The following NTM variants were observed in gnomAD, a reference collection of about 807,000 sequenced individuals.
NTM encodes IgLON family member 2.
A neutral mutation model predicts 42.1 loss-of-function variants in NTM; 13 were observed. The ratio of observed to expected loss-of-function variants is 0.31; its 90% CI spans 0.20 to 0.49. NTM has a LOEUF of 0.49. Ranked by LOEUF, NTM falls within the 20% of genes least tolerant of loss-of-function variation. NTM has a pLI of 0.99. For synonymous variants in NTM, 187 were observed against 179.2 expected (o/e 1.04, Z -0.35); for missense variants, 373 against 452.8 (o/e 0.82, Z 1.60).
chr11:131,802,579 G>C (rs2092212213), intron 1 of NTM, among the ~76,000 whole-genome samples: 1 of 152,174 alleles, frequency 6.6e-6, no homozygotes, highest in African/African-American at 2.4e-5. Flanking sequence ...AGTGATGCGT[G>C]GGGGTTAGGG....
chr11:131,879,688 C>T (rs1484179337), intron 1 of NTM, among the ~76,000 whole-genome samples: 1 of 151,890 alleles, frequency 6.6e-6, no homozygotes, highest in Non-Finnish European at 1.5e-5. Flanking sequence ...ATTTTTTTGT[C>T]ACCTTTGAAT....
chr11:131,629,678 G>C (rs1233878276), intron 1 of NTM, among the ~76,000 whole-genome samples: 1 of 152,154 alleles, frequency 6.6e-6, no homozygotes, highest in Non-Finnish European at 1.5e-5. Flanking sequence ...ATTTCGAAAC[G>C]AGAGTATTTA....
At chr11:131,549,870 C>G (rs2054426708) in intron 1 of NTM, among the ~76,000 whole-genome samples, 1 of 152,228 alleles carries the variant, frequency 6.6e-6, no homozygotes, top group Non-Finnish European at 1.5e-5. Flanking sequence ...TTCCATCTTT[C>G]AAGTGACAAA....
At chr11:131,929,845 T>C in intron 2 of NTM, among the ~76,000 whole-genome samples, 1 of 152,212 alleles carries the variant, frequency 6.6e-6, no homozygotes, top group East Asian at 1.9e-4. Context: ...GATCAAAGGC[T>C]CAGCTACCTC....
chr11:131,935,888 T>C (rs988282540), intron 2 of NTM, among the ~76,000 whole-genome samples: 1 of 152,182 alleles, frequency 6.6e-6, no homozygotes, highest in Non-Finnish European at 1.5e-5. Context: ...AATAGTGGCA[T>C]TCACCATCAT....
At chr11:131,855,082 C>A (rs112728364) in intron 1 of NTM, among the ~76,000 whole-genome samples, 1 of 152,138 alleles carries the variant, frequency 6.6e-6, no homozygotes, top group Admixed American at 6.5e-5. Flanking sequence ...GAGTCCCAGT[C>A]CTGGACAGGG....
At chr11:131,850,344 C>T (rs1038746395) in intron 1 of NTM, among the ~76,000 whole-genome samples, 1 of 150,258 alleles carries the variant, frequency 6.7e-6, no homozygotes, top group Non-Finnish European at 1.5e-5. Flanking sequence ...AAAAATAAAG[C>T]TAGCACTATC....
In NTM at chr11:131,655,690, T is replaced by A. The variant is rs189238534; in HGVS notation, c.83-255874T>A. ...GGACTGGCAGGGAGGACAATTGAGATCCCCTAGATGTTTAGCACATTGTTC... is the reference window on the plus strand; with the variant it reads ...GGACTGGCAGGGAGGACAATTGAGAACCCCTAGATGTTTAGCACATTGTTC... On this transcript the variant is annotated intron_variant, in intron 1 of 8. Transcript: ENST00000683400. Among the ~76,000 whole-genome samples, 17 of 152,296 alleles carry A rather than the reference T, an allele frequency of 1.1e-4. 1 individual carries two copies. The highest frequency in any genetic ancestry group is 4.4e-5 in the Non-Finnish European group (3 of 68,018).
At chr11:132,257,349 G>T (rs1183985312) in intron 4 of NTM, among the ~76,000 whole-genome samples, 2 of 152,198 alleles carry the variant, frequency 1.3e-5, no homozygotes, top group Non-Finnish European at 2.9e-5. Context: ...AGCACTTCTG[G>T]GTGTAGAAAG....
chr11:131,779,530 G>A (rs75978210), intron 1 of NTM, among the ~76,000 whole-genome samples: 5,231 of 152,126 alleles, frequency 0.034, 282 homozygotes, highest in African/African-American at 0.11. Context: ...AGTCTGTGCC[G>A]TTTATTTTTC....
intron 1 of NTM, among the ~76,000 whole-genome samples, chr11:131,668,683 T>C (rs945134071): frequency 6.6e-6 from 1 of 152,166 alleles, no homozygotes; most frequent in African/African-American, 2.4e-5. Context: ...TCCCTGTCAT[T>C]GAACTCTGAC....
At chr11:131,570,844 A>C (rs1269170329) in intron 1 of NTM, among the ~76,000 whole-genome samples, 1 of 152,232 alleles carries the variant, frequency 6.6e-6, no homozygotes, top group African/African-American at 2.4e-5. Flanking sequence ...ATAAATACAA[A>C]ATAATAAAAA....
chr11:131,840,708 C>A (rs1409674185), intron 1 of NTM, among the ~76,000 whole-genome samples: 1 of 152,128 alleles, frequency 6.6e-6, no homozygotes, highest in Non-Finnish European at 1.5e-5. Context: ...ATGGGAATGA[C>A]CCCCAGAAGA....
intron 1 of NTM, among the ~76,000 whole-genome samples, chr11:131,549,455 A>C (rs1010492701): frequency 6.6e-6 from 1 of 152,216 alleles, no homozygotes. Flanking sequence ...AGAAAGAGTC[A>C]AAGGGTTGTC....
At chr11:132,321,786 G>A (rs59411102) in intron 7 of NTM, among the ~76,000 whole-genome samples, 1,883 of 149,210 alleles carry the variant, frequency 0.013, 44 homozygotes, top group Admixed American at 0.056. Flanking sequence ...GAGAAAGGTC[G>A]GGTTACCCTC....
At chr11:131,926,591 G>A (rs1592923609) in intron 2 of NTM, among the ~76,000 whole-genome samples, 1 of 152,216 alleles carries the variant, frequency 6.6e-6, no homozygotes, top group African/African-American at 2.4e-5. Flanking sequence ...GGGGGTCCTC[G>A]GTGTCTGTAA....
chr11:132,201,534 T>G (rs2081156806), intron 3 of NTM, among the ~76,000 whole-genome samples: 1 of 152,152 alleles, frequency 6.6e-6, no homozygotes. Context: ...GAATAGACAA[T>G]TCCTGGTGAG....
At chr11:132,214,703 C>T (rs2083484688) in intron 4 of NTM, among the ~76,000 whole-genome samples, 1 of 152,122 alleles carries the variant, frequency 6.6e-6, no homozygotes, top group South Asian at 2.1e-4. Context: ...TTTGTTTCCC[C>T]TTTTGTGACC....
In NTM at chr11:132,119,573, G is replaced by A. The variant is rs576900837; in HGVS notation, c.168-26709G>A. ...ACCTTCTTACCGTTCAATCAGGACG[G>A]GAAGCAGCTGGGTGAGGAGTCAGTG... is the stretch of plus-strand genomic sequence containing the variant. On this transcript the variant is annotated intron_variant, in intron 2 of 8. Coordinates refer to ENST00000683400, the MANE Select transcript of NTM (RefSeq NM_001352005.2). Among the ~76,000 whole-genome samples the A allele has an allele frequency of 9.2e-5, 14 of 152,366 alleles. No individual in the cohort carries two copies. The South Asian group carries it at 2.7e-3, about 29-fold the overall frequency.
Sources: allele counts gnomAD v4.1 joint callset (sites outside exome capture counted in the v4.1 genomes callset), GRCh38; gene constraint gnomAD v4.1.1; transcripts MANE v1.5; gene names NCBI Gene and HGNC (gene_info 2026-07-23, HGNC 2026-07-21).